The following DGLUCY variants were observed in gnomAD, a reference collection of about 807,000 sequenced individuals.
DGLUCY encodes D-glutamate cyclase, also known as D-glutamate cyclase, mitochondrial.
DGLUCY carries 58 observed loss-of-function variants against 58.5 expected under a neutral mutation model. The observed-to-expected ratio is 0.99, with a 90% CI of 0.80 to 1.23. The LOEUF (loss-of-function observed/expected upper bound fraction) is 1.23, where lower values mean the gene tolerates loss of function less well. Ranked by LOEUF, DGLUCY falls within the 50% of genes most tolerant of loss-of-function variation. The pLI is 0.00. For synonymous variants in DGLUCY, 325 were observed against 314.1 expected (o/e 1.03, Z -0.37); for missense variants, 779 against 784.7 (o/e 0.99, Z 0.09).
intron 13 of DGLUCY, among the ~76,000 whole-genome samples, chr14:91,221,289 C>T (rs772444828): frequency 6.6e-6 from 1 of 152,222 alleles, no homozygotes; most frequent in African/African-American, 2.4e-5. Flanking sequence ...CTTGGAGGAA[C>T]AAATGATGAC....
At chr14:91,220,698 C>T in intron 13 of DGLUCY, 1 of 455,770 alleles carries the variant, frequency 2.2e-6, no homozygotes, top group South Asian at 1.5e-5. Context: ...CTGCCTATTG[C>T]AAGATGAGAC....
rs1275343002 is a variant in DGLUCY at position 91,073,009 on chromosome 14, CATAAA to C, written c.-82+12312_-82+12316del. On this transcript the variant is annotated intron_variant, in intron 1 of 4. Coordinates refer to the DGLUCY transcript ENST00000521334. ...GGGTGACAGCAAAAAAAATAAAAAA[CATAAA>C]ATAAAAATAACAGTCATTTTTCTTG... Among the ~76,000 whole-genome samples the C allele has an allele frequency of 9.9e-5, 15 of 151,492 alleles. No homozygotes were observed. In the East Asian group the frequency reaches 3.0e-3, roughly 30 times the overall value.
At chr14:91,136,821 TAGTC>T (rs1043009059) in intron 1 of DGLUCY, among the ~76,000 whole-genome samples, 4 of 151,588 alleles carry the variant, frequency 2.6e-5, no homozygotes, top group African/African-American at 7.3e-5. Flanking sequence ...AATACAAAAT[TAGTC>T]AGGCGTGGTG....
At chr14:91,076,071 C>G (rs1447803873) in intron 1 of DGLUCY, among the ~76,000 whole-genome samples, 9 of 151,698 alleles carry the variant, frequency 5.9e-5, no homozygotes, top group Admixed American at 2.0e-4. Flanking sequence ...CAAGATTGTG[C>G]CACTGCACTC....
At chr14:91,165,401 C>T in intron 3 of DGLUCY, 2 of 399,938 alleles carry the variant, frequency 5.0e-6, no homozygotes, top group Admixed American at 5.8e-5. Context: ...AAAGCCACAG[C>T]CTGGGTTCAC....
intron 1 of DGLUCY, among the ~76,000 whole-genome samples, chr14:91,141,622 G>A (rs2046683243): frequency 6.8e-6 from 1 of 147,404 alleles, no homozygotes; most frequent in South Asian, 2.2e-4. Flanking sequence ...CGCAATTTTG[G>A]CTCACTGCAA....
At chr14:91,103,747 A>G (rs1052874258), upstream of DGLUCY, among the ~76,000 whole-genome samples, 9 of 152,070 alleles carry the variant, frequency 5.9e-5, no homozygotes, top group African/African-American at 1.9e-4. Context: ...ATCAACCTAC[A>G]GTCCTTCTCT....
intron 7 of DGLUCY, among the ~76,000 whole-genome samples, chr14:91,179,561 G>A (rs1475940263): frequency 2.0e-5 from 3 of 152,230 alleles, no homozygotes; most frequent in South Asian, 4.1e-4. Flanking sequence ...AGCCAGCCTA[G>A]CCAACATGGC....
Position 91,189,066 on chromosome 14 carries a change from C to G in DGLUCY, c.1091C>G (p.Ala364Gly), listed in dbSNP as rs1484413795. Residue 364 changes from alanine to glycine, a missense_variant, in exon 9 of 14, where the codon GCT (alanine) becomes GGT (glycine). Transcript: ENST00000256324. Reference protein sequence around the residue: ...EETDGPPGAVALVAFLQALEK... With the variant: ...EETDGPPGAVGLVAFLQALEK... ...ACAGATGGCCCACCAGGAGCTGTTGCTCTGGTTGCCTTCCTGCAGGCCTTG... is the reference window on the plus strand; with the variant it reads ...ACAGATGGCCCACCAGGAGCTGTTGGTCTGGTTGCCTTCCTGCAGGCCTTG... 1 of 1,614,164 alleles carries G rather than the reference C, an allele frequency of 6.2e-7. No individual in the cohort carries two copies. The highest frequency in any genetic ancestry group is 1.1e-5 in the South Asian group (1 of 91,078).
intron 1 of DGLUCY, among the ~76,000 whole-genome samples, chr14:91,156,950 G>A (rs757053818): frequency 6.6e-6 from 1 of 152,240 alleles, no homozygotes; most frequent in Non-Finnish European, 1.5e-5. Context: ...GAAGGTCCCT[G>A]TTATTTTTAA....
chr14:91,084,466 A>G (rs1415473013), intron 1 of DGLUCY, among the ~76,000 whole-genome samples: 2 of 151,998 alleles, frequency 1.3e-5, no homozygotes, highest in Admixed American at 1.3e-4. Context: ...TGGCCACCCA[A>G]AGTGCTGGGA....
chr14:91,196,507 A>G lies in DGLUCY; in HGVS notation c.1295+33A>G, dbSNP rs771481086. ...TGTCGCATCCCAGTTTAAGTGGCGG[A>G]TGGTGGAAACGCCCATATGCTCTTC... is the stretch of plus-strand genomic sequence containing the variant. On this transcript the variant is annotated intron_variant, in intron 10 of 13. Transcript: ENST00000256324. 230 of 1,568,120 alleles carry G rather than the reference A, an allele frequency of 1.5e-4. No individual in the cohort carries two copies. In the Admixed American group the frequency reaches 3.6e-3, roughly 25 times the overall value.
At chr14:91,160,869 A>C (rs564595322) in intron 3 of DGLUCY, among the ~76,000 whole-genome samples, 1 of 152,336 alleles carries the variant, frequency 6.6e-6, no homozygotes, top group African/African-American at 2.4e-5. Flanking sequence ...AACAGATACC[A>C]AATTTGTCAT....
At chr14:91,219,096 C>T (rs1430138546) in intron 13 of DGLUCY, among the ~76,000 whole-genome samples, 1 of 151,900 alleles carries the variant, frequency 6.6e-6, no homozygotes, top group African/African-American at 2.4e-5. Flanking sequence ...ATGAGAATCA[C>T]TTAAACTCGG....
intron 1 of DGLUCY, among the ~76,000 whole-genome samples, chr14:91,094,973 G>A (rs1040476753): frequency 1.4e-4 from 21 of 152,192 alleles, no homozygotes; most frequent in South Asian, 4.2e-4. Flanking sequence ...GAACCTGCTC[G>A]CTCTGGGTCC....
intron 11 of DGLUCY, among the ~76,000 whole-genome samples, chr14:91,201,626 T>C (rs968350070): frequency 2.6e-5 from 4 of 152,030 alleles, no homozygotes; most frequent in Non-Finnish European, 5.9e-5. Flanking sequence ...ATTTTTTTGG[T>C]AGAGATGAGG....
At position 91,099,430 on chromosome 14, in the gene DGLUCY, G is replaced by A. The variant is rs1244417842; in HGVS notation, c.-82+38726G>A. ...AACATGTAGTCCCAGCTACTGGAGA[G>A]GCCGAAGTGGGAGGATTGTTTGAGC... On this transcript the variant is annotated intron_variant, in intron 1 of 4. Coordinates refer to the DGLUCY transcript ENST00000521334. 2.6e-5 allele frequency among the ~76,000 whole-genome samples: 4 copies of A among 151,900 alleles called. No homozygotes were observed. In the East Asian group the frequency reaches 7.8e-4, roughly 29 times the overall value.
chr14:91,135,981 C>T (rs2046313612), intron 1 of DGLUCY, among the ~76,000 whole-genome samples: 1 of 119,770 alleles, frequency 8.3e-6, no homozygotes, highest in Admixed American at 1.2e-4. Flanking sequence ...GTCGCCCAGG[C>T]TGGAGTGCAG....
rs112930594 is a variant in DGLUCY, at chr14:91,204,873, C to T, written c.1564+48C>T. 2.4e-3 allele frequency: 3,908 copies of T among 1,611,032 alleles called. 91 individuals are homozygous for T. The African/African-American group carries it at 0.047, about 19-fold the overall frequency. On this transcript the variant is annotated intron_variant, in intron 12 of 13. Coordinates refer to ENST00000256324, the MANE Select transcript of DGLUCY (RefSeq NM_001102368.3). ...AGTCCGGCCGGCTACCCAGGGTGAG[C>T]GACCTGGCTTGGAGCCTGACCAGGC...
Sources: gnomAD v4.1 joint callset for allele counts (sites outside exome capture counted in the v4.1 genomes callset) on GRCh38, gnomAD v4.1.1 for gene constraint, MANE v1.5 for transcripts, NCBI Gene and HGNC (gene_info 2026-07-23, HGNC 2026-07-21) for gene names.